Variants in RAD54L2 observed in about 807,000 individuals in gnomAD.
RAD54L2 encodes RAD54 like 2.
A neutral mutation model predicts 138.4 loss-of-function variants in RAD54L2; 27 were observed. The observed-to-expected ratio is 0.20, with a 90% CI of 0.14 to 0.27. The LOEUF is 0.27. Among genes scored for constraint, RAD54L2 ranks in the 10% least tolerant of loss-of-function variants. The pLI is 1.00. For synonymous variants in RAD54L2, 644 were observed against 723.2 expected (o/e 0.89, Z 1.76); for missense variants, 1,396 against 1,890.2 (o/e 0.74, Z 4.85).
At chr3:51,552,041 C>T (rs1018382296) in intron 2 of RAD54L2, among the ~76,000 whole-genome samples, 5 of 152,144 alleles carry the variant, frequency 3.3e-5, no homozygotes, top group East Asian at 3.9e-4. Context: ...TGAGCCACCA[C>T]GCCCAGCCTA....
Position 51,668,105 on chromosome 3 carries a change from G to T in RAD54L2, c.*4685G>T. On this transcript the variant is annotated 3_prime_UTR_variant, in exon 23 of 23. Coordinates refer to ENST00000684192, the MANE Select transcript of RAD54L2 (RefSeq NM_015106.4). ...TGTGTGAGTGTGTGTGTGTGTGTTT[G>T]TGTGCTGTGCTCATGTGCACCTGGG... 1 of 152,930 alleles carries T rather than the reference G, an allele frequency of 6.5e-6. No homozygotes were observed. Among genetic ancestry groups the T allele is most frequent in the Non-Finnish European group, 1.5e-5 (1 of 68,612 alleles). The allele number at this position is 152,930 out of a possible 1,614,324, so 9.5% of individuals were successfully genotyped here. A position where few individuals can be genotyped will look rare whatever the true frequency, so the allele number is the denominator to read the frequency against.
At chr3:51,618,601 G>A (rs928166846) in intron 3 of RAD54L2, among the ~76,000 whole-genome samples, 2 of 152,024 alleles carry the variant, frequency 1.3e-5, no homozygotes, top group African/African-American at 4.8e-5. Context: ...GAAGGACAGA[G>A]AAACTATACT....
chr3:51,561,312 C>T (rs1246194937), intron 2 of RAD54L2, among the ~76,000 whole-genome samples: 1 of 152,142 alleles, frequency 6.6e-6, no homozygotes, highest in African/African-American at 2.4e-5. Context: ...GAAATGTGAT[C>T]TCGGTTCATT....
At chr3:51,613,253 A>G (rs1001112305) in intron 3 of RAD54L2, among the ~76,000 whole-genome samples, 1 of 152,114 alleles carries the variant, frequency 6.6e-6, no homozygotes, top group African/African-American at 2.4e-5. Flanking sequence ...ATGTGGTTTC[A>G]TAACTCTGTG....
chr3:51,544,953 T>C (rs566020314), intron 2 of RAD54L2, among the ~76,000 whole-genome samples: 89 of 152,294 alleles, frequency 5.8e-4, no homozygotes, highest in Non-Finnish European at 1.2e-3. Context: ...TGCTGCCTGG[T>C]TGGCCTTTTG....
chr3:51,549,795 A>T (rs1009225633), intron 2 of RAD54L2, among the ~76,000 whole-genome samples: 18 of 149,344 alleles, frequency 1.2e-4, no homozygotes, highest in Non-Finnish European at 3.0e-5. Flanking sequence ...AAAAAAAAAA[A>T]GGGGGTGGGG....
At chr3:51,619,460 A>G (rs946512717) in intron 3 of RAD54L2, among the ~76,000 whole-genome samples, 1 of 151,672 alleles carries the variant, frequency 6.6e-6, no homozygotes, top group African/African-American at 2.4e-5. Context: ...CAGAGTTGCT[A>G]AAGTTTCTGA....
chr3:51,637,615 G>A lies in RAD54L2; in HGVS notation c.1682+112G>A. Reference sequence around the variant, plus strand: ...GTTGGAGTAGGAGGGCCCCTTCCCTGGGGCAGTAGTAAAACTTTGCTTCCT... The same window carrying A: ...GTTGGAGTAGGAGGGCCCCTTCCCTAGGGCAGTAGTAAAACTTTGCTTCCT... On this transcript the variant is annotated intron_variant, in intron 11 of 22. Coordinates refer to ENST00000684192, the MANE Select transcript of RAD54L2 (RefSeq NM_015106.4). This position sits in a 1 kb window ranked among gnomAD's most constrained non-coding sequence, Gnocchi z 5.9. 4 of 1,056,530 alleles carry A rather than the reference G, an allele frequency of 3.8e-6. No individual in the cohort carries two copies. The South Asian group carries it at 5.0e-5, about 13-fold the overall frequency. 65.4% of individuals were successfully genotyped at this position (1,056,530 alleles called of 1,614,324 possible).
At chr3:51,628,189 G>A (rs992220365) in intron 4 of RAD54L2, among the ~76,000 whole-genome samples, 2 of 152,068 alleles carry the variant, frequency 1.3e-5, no homozygotes, top group South Asian at 2.1e-4. Context: ...GAGCAAAAAT[G>A]TGAACTTCTT....
chr3:51,556,465 C>T (rs555651427), intron 2 of RAD54L2, among the ~76,000 whole-genome samples: 2 of 152,078 alleles, frequency 1.3e-5, no homozygotes, highest in Non-Finnish European at 2.9e-5. Flanking sequence ...CCAGGCTGGT[C>T]TCAAACTCCT....
At chr3:51,596,003 C>T (rs1311315382) in intron 3 of RAD54L2, among the ~76,000 whole-genome samples, 3 of 147,554 alleles carry the variant, frequency 2.0e-5, no homozygotes, top group African/African-American at 5.0e-5. Context: ...GGCGTGATCA[C>T]GACTCACTGC....
chr3:51,630,159 G>A (rs911230382), intron 5 of RAD54L2, 113 bp from the exon 6 acceptor site: 1 of 764,764 alleles, frequency 1.3e-6, no homozygotes, highest in Non-Finnish European at 2.2e-6. Context: ...TCTCTTCTCA[G>A]TGGATACTCC....
intron 3 of RAD54L2, among the ~76,000 whole-genome samples, chr3:51,619,261 G>A (rs1700516330): frequency 6.6e-6 from 1 of 152,126 alleles, no homozygotes; most frequent in Non-Finnish European, 1.5e-5. Context: ...GTTTCACCAT[G>A]TTGGTCAGGC....
Position 51,543,690 on chromosome 3 carries a change from T to A in RAD54L2, c.-55+2040T>A, listed in dbSNP as rs1351815621. ...CCTGGCCTGTCTCTGCTTCAGCATCTCATAAGGACCTTTATGACCTGGCCC... is the reference window on the plus strand; with the variant it reads ...CCTGGCCTGTCTCTGCTTCAGCATCACATAAGGACCTTTATGACCTGGCCC... On this transcript the variant is annotated intron_variant, in intron 2 of 22. Coordinates refer to ENST00000684192, the MANE Select transcript of RAD54L2 (RefSeq NM_015106.4). Among the ~76,000 whole-genome samples, 5 of 151,944 alleles carry A rather than the reference T, an allele frequency of 3.3e-5. No homozygotes were observed. The East Asian group carries it at 7.8e-4, about 24-fold the overall frequency.
In RAD54L2 at chr3:51,638,225, A is replaced by G. The variant is rs112749931; in HGVS notation, c.1764A>G (p.Arg588=). ...VILVRLSKIQ[R]DLYTQFMDRF... ...TTGTGCGGCTCTCCAAGATCCAGCG[A>G]GATTTGTATACACAGTTCATGGATC... The change falls in exon 12 of 23, where the codon CGA becomes CGG. Residue 588 remains arginine, a synonymous_variant. Transcript: ENST00000684192. This position sits in a 1 kb window ranked among gnomAD's most constrained non-coding sequence, Gnocchi z 4.3. The G allele has an allele frequency of 1.1e-3, 1,816 of 1,613,922 alleles. 14 individuals carry two copies. The African/African-American group carries it at 0.021, about 19-fold the overall frequency.
In RAD54L2 at chr3:51,659,095, CTTGTTTTTTTTTTTTTTTTTT is replaced by C. The variant is rs891755561; in HGVS notation, c.3317-928_3317-908del. ...AAGCTCTTACAAAAACCATCCGGCT[CTTGTTTTTTTTTTTTTTTTTT>C]TTTTTTTGAGGCAGAGTCTCGCTCT... On this transcript the variant is annotated intron_variant, in intron 21 of 22. Transcript: ENST00000684192. 5.3e-4 allele frequency among the ~76,000 whole-genome samples: 64 copies of C among 120,708 alleles called. 2 individuals are homozygous for C. Among genetic ancestry groups the C allele is most frequent in the Non-Finnish European group, 3.6e-4 (21 of 58,042 alleles). 79.2% of individuals were successfully genotyped at this position (120,708 alleles called of 152,430 possible).
At chr3:51,624,232 GTTT>G (rs747895714) in intron 3 of RAD54L2, among the ~76,000 whole-genome samples, 2 of 130,456 alleles carry the variant, frequency 1.5e-5, no homozygotes, top group Non-Finnish European at 1.7e-5. Context: ...GGTGTGTGTG[GTTT>G]TTTTTTTTTT....
At chr3:51,625,045 C>T (rs1173517744) in intron 3 of RAD54L2, among the ~76,000 whole-genome samples, 1 of 152,160 alleles carries the variant, frequency 6.6e-6, no homozygotes, top group Non-Finnish European at 1.5e-5. Context: ...AGCCCCACCT[C>T]TCTTTACCAA....
chr3:51,659,226 C>T (rs1178205417), intron 21 of RAD54L2, among the ~76,000 whole-genome samples: 1 of 151,584 alleles, frequency 6.6e-6, no homozygotes, highest in East Asian at 1.9e-4. Flanking sequence ...CTGCCTCAGC[C>T]TCCCGAGTAG....
Sources: allele counts gnomAD v4.1 joint callset (sites outside exome capture counted in the v4.1 genomes callset), GRCh38; gene constraint gnomAD v4.1.1; non-coding constraint Gnocchi (gnomAD v3.1); transcripts MANE v1.5; gene names NCBI Gene and HGNC (gene_info 2026-07-23, HGNC 2026-07-21).